CHST8: variants seen among roughly 807,000 people sequenced by gnomAD.
The protein encoded by CHST8 is carbohydrate sulfotransferase 8.
Under a neutral mutation model 15.0 loss-of-function variants are expected in CHST8, and 10 were observed. The ratio of observed to expected loss-of-function variants is 0.67; its 90% CI spans 0.41 to 1.13. The LOEUF is 1.13. Ranked by LOEUF, CHST8 falls within the 50% of genes most tolerant of loss-of-function variation. CHST8 has a pLI of 0.00. For missense variants in CHST8, 634 were observed against 608.2 expected, an observed-to-expected ratio of 1.04 and a Z score of -0.45; for synonymous variants, 259 against 256.6, an observed-to-expected ratio of 1.01 and a Z score of -0.09.
chr19:33,633,564 AT>A (rs1972152060), intron 1 of CHST8, among the ~76,000 whole-genome samples: 1 of 129,396 alleles, frequency 7.7e-6, no homozygotes, highest in Non-Finnish European at 1.7e-5. Context: ...CTAATTTTTT[AT>A]TTTTATTTTT....
chr19:33,641,423 C>A (rs1388472121), intron 1 of CHST8, among the ~76,000 whole-genome samples: 1 of 152,206 alleles, frequency 6.6e-6, no homozygotes, highest in East Asian at 1.9e-4. Context: ...ACCCCCTGGG[C>A]AGGGTTTGAG....
chr19:33,674,383 C>T (rs1168257614), intron 2 of CHST8, among the ~76,000 whole-genome samples: 5 of 152,222 alleles, frequency 3.3e-5, no homozygotes, highest in Non-Finnish European at 5.9e-5. Context: ...CTCGTCTGTA[C>T]AGACTGCTCA....
At chr19:33,719,356 C>A (rs1243569153) in intron 3 of CHST8, among the ~76,000 whole-genome samples, 1 of 152,162 alleles carries the variant, frequency 6.6e-6, no homozygotes, top group Non-Finnish European at 1.5e-5. Context: ...CTCTCAAGGT[C>A]TCTCTGTCCT....
chr19:33,765,554 T>TGTGTGTGTGTGA (rs1568362712), intron 3 of CHST8, among the ~76,000 whole-genome samples: 2 of 102,802 alleles, frequency 1.9e-5, no homozygotes, highest in African/African-American at 7.9e-5. Context: ...TGTGTGTGTG[T>TGTGTGTGTGTGA]CAGAGAGAGA....
intron 3 of CHST8, among the ~76,000 whole-genome samples, chr19:33,693,912 G>A (rs1286106902): frequency 6.6e-6 from 1 of 151,356 alleles, no homozygotes; most frequent in Non-Finnish European, 1.5e-5. Context: ...CAGTGGCAAT[G>A]TTCTGATTTT....
At chr19:33,759,346 G>T (rs936817962) in intron 3 of CHST8, among the ~76,000 whole-genome samples, 3 of 152,238 alleles carry the variant, frequency 2.0e-5, no homozygotes, top group Non-Finnish European at 1.5e-5. Flanking sequence ...GCTGCAGAGT[G>T]GTCACCACGT....
intron 1 of CHST8, among the ~76,000 whole-genome samples, chr19:33,632,259 C>T (rs2145437415): frequency 6.6e-6 from 1 of 152,220 alleles, no homozygotes; most frequent in East Asian, 1.9e-4. Context: ...CCCAGCTCAG[C>T]CTCCCGAGTA....
chr19:33,711,775 G>A (rs1973555289), intron 3 of CHST8, among the ~76,000 whole-genome samples: 3 of 152,040 alleles, frequency 2.0e-5, no homozygotes, highest in African/African-American at 7.2e-5. Flanking sequence ...GGGATTATAG[G>A]TGCACGCCAC....
At chr19:33,685,627 T>C (rs1972963954) in intron 2 of CHST8, among the ~76,000 whole-genome samples, 2 of 152,180 alleles carry the variant, frequency 1.3e-5, no homozygotes, top group African/African-American at 4.8e-5. Flanking sequence ...GTGATGAGGA[T>C]GGGACAGTCC....
chr19:33,697,517 C>T (rs1259133829), intron 3 of CHST8, among the ~76,000 whole-genome samples: 1 of 152,190 alleles, frequency 6.6e-6, no homozygotes, highest in African/African-American at 2.4e-5. Context: ...TAGTCTGAGC[C>T]ACTGTGCCCG....
chr19:33,625,849 G>A (rs563160428), intron 1 of CHST8, among the ~76,000 whole-genome samples: 81 of 152,284 alleles, frequency 5.3e-4, no homozygotes, highest in African/African-American at 1.8e-3. Context: ...GCGACAAAGC[G>A]AGACTGTCTC....
intron 1 of CHST8, among the ~76,000 whole-genome samples, chr19:33,665,057 C>T (rs1388204093): frequency 2.0e-5 from 3 of 152,276 alleles, no homozygotes; most frequent in Admixed American, 6.5e-5. Flanking sequence ...CCGCAATAAA[C>T]GTGGGAGTGT....
Position 33,725,151 on chromosome 19 carries a change from T to TG in CHST8, c.130+35760_130+35761insG, listed in dbSNP as rs1449566523. On this transcript the variant is annotated intron_variant, in intron 3 of 4. Coordinates refer to ENST00000650847, the MANE Select transcript of CHST8 (RefSeq NM_001127895.2). ...TCCAGAGCTGCGTGGCTGCATGTGA[T>TG]TGTGGGGACACAACCGAGTCTCTAC... 4.5e-4 allele frequency among the ~76,000 whole-genome samples: 68 copies of TG among 152,150 alleles called. No homozygotes were observed. In the Middle Eastern group the frequency reaches 0.01, roughly 23 times the overall value.
intron 1 of CHST8, among the ~76,000 whole-genome samples, chr19:33,649,746 G>A (rs960467418): frequency 2.6e-5 from 4 of 152,212 alleles, no homozygotes; most frequent in African/African-American, 9.7e-5. Flanking sequence ...CCAGAACCAG[G>A]CCATGGTGGG....
chr19:33,633,613 G>T (rs1972152983), intron 1 of CHST8, among the ~76,000 whole-genome samples: 1 of 151,664 alleles, frequency 6.6e-6, no homozygotes, highest in East Asian at 2.0e-4. Context: ...GCCCAGGCTG[G>T]TCCTGAACTC....
chr19:33,751,298 C>A (rs1974416609), intron 3 of CHST8, among the ~76,000 whole-genome samples: 1 of 152,172 alleles, frequency 6.6e-6, no homozygotes, highest in African/African-American at 2.4e-5. Context: ...TCCCGCTGTT[C>A]AATAACTGAT....
Position 33,729,533 on chromosome 19 carries a change from A to G in CHST8, c.130+40142A>G, listed in dbSNP as rs774338584. Among the ~76,000 whole-genome samples the G allele has an allele frequency of 4.5e-4, 68 of 152,326 alleles. No homozygotes were observed. The Middle Eastern group carries it at 0.01, about 23-fold the overall frequency. Reference sequence around the variant, plus strand: ...CCAGCCCACCTGGGAAGGGATTGCAAGAGCATGTTGCCAGGTGGTGAGGAT... The same window carrying G: ...CCAGCCCACCTGGGAAGGGATTGCAGGAGCATGTTGCCAGGTGGTGAGGAT... On this transcript the variant is annotated intron_variant, in intron 3 of 4. Transcript: ENST00000650847.
At chr19:33,682,303 C>T (rs1164101625) in intron 2 of CHST8, among the ~76,000 whole-genome samples, 1 of 151,052 alleles carries the variant, frequency 6.6e-6, no homozygotes, top group East Asian at 1.9e-4. Context: ...AGCGATTCTC[C>T]TGCCTGGAAA....
At chr19:33,629,821 C>G (rs1972100109) in intron 1 of CHST8, among the ~76,000 whole-genome samples, 1 of 152,250 alleles carries the variant, frequency 6.6e-6, no homozygotes, top group Non-Finnish European at 1.5e-5. Context: ...GTCCCCTAGG[C>G]CCCCTCCCAG....
Sources: allele counts gnomAD v4.1 joint callset (sites outside exome capture counted in the v4.1 genomes callset), GRCh38; gene constraint gnomAD v4.1.1; transcripts MANE v1.5; gene names NCBI Gene and HGNC (gene_info 2026-07-23, HGNC 2026-07-21).